The following CHRNA1 variants were observed in gnomAD, a reference collection of about 807,000 sequenced individuals.
CHRNA1 encodes the protein cholinergic receptor nicotinic alpha 1 subunit, also known as acetylcholine receptor subunit alpha.
Under a neutral mutation model 47.1 loss-of-function variants are expected in CHRNA1, and 35 were observed. The ratio of observed to expected loss-of-function variants is 0.74; its 90% CI spans 0.57 to 0.99. The LOEUF (loss-of-function observed/expected upper bound fraction) is 0.99, where lower values mean the gene tolerates loss of function less well. Ranked by LOEUF, CHRNA1 falls within the 50% of genes least tolerant of loss-of-function variation. CHRNA1 has a pLI of 0.00. For synonymous variants in CHRNA1, 229 were observed against 223.6 expected, an observed-to-expected ratio of 1.02 and a Z score of -0.22; for missense variants, 506 against 591.1, an observed-to-expected ratio of 0.86 and a Z score of 1.49.
At chr2:174,764,315 G>A (rs1323863475) in intron 1 of CHRNA1, 37 bp downstream of exon 1, 2 of 1,606,272 alleles carry the variant, frequency 1.2e-6, no homozygotes, top group South Asian at 1.1e-5. Context: ...TAGCCTCAAA[G>A]GAGAGCCCTC....
At chr2:174,755,522 C>G (rs1238249694) in intron 4 of CHRNA1, among the ~76,000 whole-genome samples, 1 of 151,934 alleles carries the variant, frequency 6.6e-6, no homozygotes, top group South Asian at 2.1e-4. Context: ...TGGGTTCCCA[C>G]CATTCTCCTG....
At chr2:174,758,810 G>A (rs893462127) in intron 3 of CHRNA1, among the ~76,000 whole-genome samples, 2 of 152,086 alleles carry the variant, frequency 1.3e-5, no homozygotes, top group Non-Finnish European at 2.9e-5. Context: ...ATGTTAAAAT[G>A]AAGTCATTAA....
chr2:174,761,252 G>A (rs1172985029), intron 1 of CHRNA1, among the ~76,000 whole-genome samples: 1 of 152,136 alleles, frequency 6.6e-6, no homozygotes, highest in Non-Finnish European at 1.5e-5. Context: ...AGAGCTGGGA[G>A]AGGAAGTAGA....
rs112312926 is a variant in CHRNA1 at position 174,762,859 on chromosome 2, G to A, written c.43+1493C>T. On this transcript the variant is annotated intron_variant, in intron 1 of 8. Coordinates refer to ENST00000348749, the MANE Select transcript of CHRNA1 (RefSeq NM_000079.4). ...CTGGTTCCATTTGTATTTGTATGTA[G>A]GAAATAGCTCCCTGGGCTGGGCAAA... Among the ~76,000 whole-genome samples the A allele has an allele frequency of 3.1e-3, 465 of 152,300 alleles. 4 individuals are homozygous for A. The highest frequency in any genetic ancestry group is 0.011 in the African/African-American group (447 of 41,554).
intron 4 of CHRNA1, among the ~76,000 whole-genome samples, chr2:174,756,740 G>T (rs1015809208): frequency 6.6e-6 from 1 of 152,252 alleles, no homozygotes; most frequent in East Asian, 1.9e-4. Context: ...GAAAAGGCCC[G>T]CCTTAAAAGG....
intron 3 of CHRNA1, chr2:174,757,933 G>A: frequency 7.2e-7 from 1 of 1,397,846 alleles, no homozygotes; most frequent in South Asian, 1.2e-5. Context: ...GTGAGGGGAG[G>A]GTGATTACTG....
intron 4 of CHRNA1, among the ~76,000 whole-genome samples, 197 bp from the exon 5 acceptor site, chr2:174,754,611 A>G (rs1487732970): frequency 6.6e-6 from 1 of 152,194 alleles, no homozygotes; most frequent in Non-Finnish European, 1.5e-5. Flanking sequence ...CTTGTTAAAA[A>G]TACAGAGTTC....
In CHRNA1 at chr2:174,759,388, AT is replaced by A; in HGVS notation, c.190-14del. The A allele has an allele frequency of 6.3e-7, 1 of 1,586,626 alleles. No individual in the cohort carries two copies. Among genetic ancestry groups the A allele is most frequent in the Non-Finnish European group, 8.7e-7 (1 of 1,154,978 alleles). On this transcript the variant is annotated splice_polypyrimidine_tract_variant and intron_variant, in intron 2 of 8. Transcript: ENST00000348749. The stretch of plus-strand genomic sequence containing the variant: ...GATTTACTTCATCCTGGAAAAAAAA[AT>A]AAGGATCATTTTTATGGGGGAGAGA...
intron 6 of CHRNA1, chr2:174,753,203 A>G (rs1192393133): frequency 1.3e-5 from 8 of 599,990 alleles, no homozygotes; most frequent in Non-Finnish European, 2.4e-5. Context: ...TTCTGGGCAC[A>G]CAGTTGGTAT....
At position 174,753,694 on chromosome 2, in the gene CHRNA1, C is replaced by G; in HGVS notation, c.587G>C (p.Trp196Ser). Reference sequence around the variant, plus strand: ...CCAGCCCCGGGACTCCTTGATCACCCACTCCCCGCTCTCCATGAAGTTGCT... The same window carrying G: ...CCAGCCCCGGGACTCCTTGATCACCGACTCCCCGCTCTCCATGAAGTTGCT... ...DLSNFMESGE[W>S]VIKESRGWKH... Residue 196 changes from tryptophan (W) to serine (S), a missense_variant, in exon 6 of 9, where the codon TGG becomes TCG. By Grantham distance (177) the Trp-to-Ser change is radical (BLOSUM62 -3). Coordinates refer to ENST00000348749, the MANE Select transcript of CHRNA1 (RefSeq NM_000079.4). The G allele has an allele frequency of 6.2e-7, 1 of 1,614,070 alleles. No individual in the cohort carries two copies. Among genetic ancestry groups the G allele is most frequent in the Non-Finnish European group, 8.5e-7 (1 of 1,180,018 alleles).
At chr2:174,763,328 G>A (rs1376867) in intron 1 of CHRNA1, among the ~76,000 whole-genome samples, 247 of 121,460 alleles carry the variant, frequency 2.0e-3, no homozygotes, top group African/African-American at 5.0e-3. Context: ...GTGCACGCGC[G>A]CGCACACACA....
chr2:174,750,129 C>A lies in CHRNA1; in HGVS notation c.819G>T (p.Leu273Phe). ...CCACGATGACCAGAAGGAACACAGT[C>A]AAAGACAGTAAGACAGAGATGCTCA... is the stretch of plus-strand genomic sequence containing the variant. ...MTLSISVLLS[L>F]TVFLLVIVEL... Residue 273 changes from leucine (L) to phenylalanine (F), a missense_variant, in exon 7 of 9, where the codon TTG becomes TTT. By Grantham distance (22) the Leu-to-Phe change is conservative (BLOSUM62 0). Coordinates refer to ENST00000348749, the MANE Select transcript of CHRNA1 (RefSeq NM_000079.4). 1 of 1,610,814 alleles carries A rather than the reference C, an allele frequency of 6.2e-7. No homozygotes were observed. Among genetic ancestry groups the A allele is most frequent in the South Asian group, 1.1e-5 (1 of 90,966 alleles).
chr2:174,758,995 T>A (rs1247433374), intron 3 of CHRNA1, among the ~76,000 whole-genome samples: 1 of 152,144 alleles, frequency 6.6e-6, no homozygotes, highest in South Asian at 2.1e-4. Context: ...GAGAGAGTCC[T>A]AGGACAGATT....
At chr2:174,761,134 A>G (rs368328525) in intron 1 of CHRNA1, among the ~76,000 whole-genome samples, 13 of 152,324 alleles carry the variant, frequency 8.5e-5, no homozygotes, top group African/African-American at 2.9e-4. Context: ...CTGGAAACTC[A>G]GAACTGCAAG....
In CHRNA1 at chr2:174,748,755, T is replaced by G. The variant is rs146863119; in HGVS notation, c.1067A>C (p.Lys356Thr). 48 of 1,614,242 alleles carry G rather than the reference T, an allele frequency of 3.0e-5. No individual in the cohort carries two copies. The African/African-American group carries it at 6.3e-4, about 21-fold the overall frequency. ...FSTMKRPSREKQDKKIFTEDI... is the reference protein window; with the variant it reads ...FSTMKRPSRETQDKKIFTEDI... ...TTCTGTAAAAATCTTTTTGTCTTGC[T>G]TTTCTCTGGATGGTCTTTTCATTGT... The change falls in exon 8 of 9, where the codon AAG becomes ACG. Residue 356 changes from lysine (K) to threonine (T), a missense_variant. Coordinates refer to ENST00000348749, the MANE Select transcript of CHRNA1 (RefSeq NM_000079.4).
In CHRNA1 at chr2:174,754,275, A is replaced by G. The variant is rs773556274; in HGVS notation, c.484T>C (p.Cys162Arg). 3.5e-5 allele frequency: 56 copies of G among 1,614,158 alleles called. No individual in the cohort carries two copies. The highest frequency in any genetic ancestry group is 4.6e-5 in the Non-Finnish European group (54 of 1,180,028). The change falls in exon 5 of 9, where the codon TGC becomes CGC. Residue 162 changes from cysteine to arginine, a missense_variant. Transcript: ENST00000348749. ...VTHFPFDEQN[C>R]SMKLGTWTYD... ...GTCCAGGTGCCCAGCTTCATGCTGCAGTTCTGTTCATCAAAGGGAAAGTGG... is the reference window on the plus strand; with the variant it reads ...GTCCAGGTGCCCAGCTTCATGCTGCGGTTCTGTTCATCAAAGGGAAAGTGG...
At chr2:174,749,853 G>T in intron 7 of CHRNA1, 93 bp downstream of exon 7, 1 of 1,108,620 alleles carries the variant, frequency 9.0e-7, no homozygotes, top group Non-Finnish European at 1.4e-6. Context: ...TTCCTAAATA[G>T]CCCCAAGTAT....
At chr2:174,749,263 G>T (rs536113147) in intron 7 of CHRNA1, among the ~76,000 whole-genome samples, 1 of 152,298 alleles carries the variant, frequency 6.6e-6, no homozygotes, top group East Asian at 1.9e-4. Context: ...TGCAGTACAG[G>T]TATTGCCAGC....
chr2:174,759,626 GA>G lies in CHRNA1; in HGVS notation c.50del (p.Leu17ProfsTer41). ...LLLFSLCSAGLVLGSEHETRL... is the reference protein window; with the variant it reads ...LLLFSLCSAGXVLGSEHETRL... ...GGGTCTCATGTTCGGAGCCCAGGAC[GA>G]GGCCAGCTGAGACAGCAGATGACAC... On this transcript the variant is annotated frameshift_variant, in exon 2 of 9. Coordinates refer to ENST00000348749, the MANE Select transcript of CHRNA1 (RefSeq NM_000079.4). LOFTEE classifies it high-confidence loss of function. The G allele has an allele frequency of 6.2e-7, 1 of 1,613,250 alleles. No individual in the cohort carries two copies. The highest frequency in any genetic ancestry group is 8.5e-7 in the Non-Finnish European group (1 of 1,179,936).
Sources: gnomAD v4.1 joint callset for allele counts (sites outside exome capture counted in the v4.1 genomes callset) on GRCh38, gnomAD v4.1.1 for gene constraint, MANE v1.5 for transcripts, NCBI Gene and HGNC (gene_info 2026-07-23, HGNC 2026-07-21) for gene names.